The following CPLANE1 variants were observed in gnomAD, a reference collection of about 807,000 sequenced individuals.
CPLANE1 encodes ciliogenesis and planar polarity effector complex subunit 1, also known as ciliogenesis and planar polarity effector 1.
CPLANE1 carries 263 observed loss-of-function variants against 362.5 expected under a neutral mutation model. That is an observed-to-expected ratio of 0.73 (90% confidence interval 0.66 to 0.80). The LOEUF (loss-of-function observed/expected upper bound fraction) is 0.80, where lower values mean the gene tolerates loss of function less well. CPLANE1 is among the 30% of genes least tolerant of loss of function. The probability of loss-of-function intolerance (pLI) is 0.00; values close to 1 mark genes in which losing one functional copy is unlikely to be tolerated. For synonymous variants in CPLANE1, 1,212 were observed against 1,302.6 expected (o/e 0.93, Z 1.50); for missense variants, 3,461 against 3,793.4 (o/e 0.91, Z 2.30).
At chr5:37,154,459 CTTT>C (rs35522666) in intron 41 of CPLANE1, among the ~76,000 whole-genome samples, 4,080 of 84,562 alleles carry the variant, frequency 0.048, 402 homozygotes, top group African/African-American at 0.21. Flanking sequence ...TGCAATAGTT[CTTT>C]TTTTTTTTTT....
intron 46 of CPLANE1, among the ~76,000 whole-genome samples, chr5:37,132,387 C>G (rs1249179195): frequency 1.4e-5 from 2 of 138,338 alleles, no homozygotes; most frequent in African/African-American, 2.7e-5. Context: ...CTCTGTCGCC[C>G]AGGCTGGAGT....
At chr5:37,223,856 C>CA (rs770855448) in intron 14 of CPLANE1, among the ~76,000 whole-genome samples, 436 of 145,750 alleles carry the variant, frequency 3.0e-3, no homozygotes, top group Non-Finnish European at 4.6e-3. Flanking sequence ...CTCTAAATGA[C>CA]AAAAAAAAAA....
intron 16 of CPLANE1, chr5:37,210,719 A>T: frequency 6.3e-7 from 1 of 1,578,042 alleles, no homozygotes; most frequent in South Asian, 1.1e-5. Context: ...CACAAAATAA[A>T]TTACTTAAAC....
chr5:37,189,513 C>T (rs1784906557), intron 21 of CPLANE1, among the ~76,000 whole-genome samples: 1 of 152,180 alleles, frequency 6.6e-6, no homozygotes, highest in South Asian at 2.1e-4. Context: ...CACAGGCAAG[C>T]TGGGATAGAA....
intron 32 of CPLANE1, among the ~76,000 whole-genome samples, chr5:37,171,788 C>A (rs1779884456): frequency 1.4e-5 from 2 of 147,454 alleles, no homozygotes; most frequent in Admixed American, 1.3e-4. Context: ...CTCTCTCTAT[C>A]TATCTATTCT....
At chr5:37,136,510 C>G (rs1767755510) in intron 46 of CPLANE1, among the ~76,000 whole-genome samples, 1 of 152,200 alleles carries the variant, frequency 6.6e-6, no homozygotes, top group Non-Finnish European at 1.5e-5. Context: ...ATCTACCATT[C>G]TGGGGTCTGA....
In CPLANE1 at chr5:37,227,383, TG is replaced by T; in HGVS notation, c.1380del (p.Gly462AspfsTer2). 6.5e-7 allele frequency: 1 copy of T among 1,532,290 alleles called. No homozygotes were observed. Among genetic ancestry groups the T allele is most frequent in the South Asian group, 1.3e-5 (1 of 79,578 alleles). The allele number at this position is 1,532,290 out of a possible 1,614,324, so 94.9% of individuals were successfully genotyped here. The stretch of plus-strand genomic sequence containing the variant: ...TTCAGTGATCGCAAGTTCAGTCCTT[TG>T]CCTTTTGGCTAAAGAAGAAAAGATG... ...YQSVILSKPK[G>X]KGLNLRSLNS... On this transcript the variant is annotated frameshift_variant, in exon 11 of 53. Transcript: ENST00000651892.
chr5:37,187,920 T>A, intron 21 of CPLANE1, 78 bp from the exon 22 acceptor site: 2 of 911,584 alleles, frequency 2.2e-6, no homozygotes, highest in Non-Finnish European at 3.3e-6. Flanking sequence ...ACTCTGCTGA[T>A]CATTTTTTTC....
chr5:37,226,715 G>C lies in CPLANE1; in HGVS notation c.1880C>G (p.Ser627Ter). 6.5e-7 allele frequency: 1 copy of C among 1,546,680 alleles called. No individual in the cohort carries two copies. The highest frequency in any genetic ancestry group is 8.7e-7 in the Non-Finnish European group (1 of 1,145,012). Reference protein sequence around the residue: ...PKLDLVLSKSSRHNAWILCIF... With the variant: ...PKLDLVLSKS The stretch of plus-strand genomic sequence containing the variant: ...ACAAAGTATCCATGCATTATGTCTT[G>C]AGCTTTTGCTTAAAACAAGATCAAG... Residue 627 changes from serine to a stop codon, truncating the protein, a stop_gained, in exon 12 of 53, where the codon TCA becomes TGA. Transcript: ENST00000651892. LOFTEE classifies it high-confidence loss of function.
intron 46 of CPLANE1, among the ~76,000 whole-genome samples, chr5:37,128,886 T>G (rs896301570): frequency 2.0e-5 from 3 of 151,846 alleles, no homozygotes; most frequent in African/African-American, 7.3e-5. Context: ...ATCATCATTC[T>G]TCACCGAACT....
rs1275106600 is a variant in CPLANE1 at position 37,239,751 on chromosome 5, G to T, written c.796C>A (p.Leu266Ile). The change falls in exon 7 of 53, where the codon CTT becomes ATT. Residue 266 changes from leucine (L) to isoleucine (I), a missense_variant. Physicochemically the swap from Leu to Ile is conservative, Grantham distance 5. Transcript: ENST00000651892. Reference protein sequence around the residue: ...ALISAFSRDGLTLAVTLNQKD... With the variant: ...ALISAFSRDGITLAVTLNQKD... The stretch of plus-strand genomic sequence containing the variant: ...TGATTAAGAGTTACTGCCAGGGTAA[G>T]GCCATCTCTTGAAAAGGCAGAAATT... The T allele has an allele frequency of 7.8e-6, 12 of 1,544,376 alleles. No individual in the cohort carries two copies. The highest frequency in any genetic ancestry group is 1.0e-5 in the Non-Finnish European group (12 of 1,143,078).
At chr5:37,084,796 A>G in the CPLANE1 span, among the ~76,000 whole-genome samples, 1 of 151,726 alleles carries the variant, frequency 6.6e-6, no homozygotes, top group South Asian at 2.1e-4. Flanking sequence ...TTTTTTTTAA[A>G]AAAAAAAAGA....
chr5:37,119,812 C>A (rs922703783), intron 50 of CPLANE1, among the ~76,000 whole-genome samples: 2 of 151,042 alleles, frequency 1.3e-5, no homozygotes, highest in African/African-American at 4.9e-5. Context: ...AATGAAACCC[C>A]GTCTCTACTA....
intron 16 of CPLANE1, chr5:37,210,570 A>C (rs566178856): frequency 8.4e-6 from 13 of 1,544,142 alleles, no homozygotes; most frequent in Non-Finnish European, 1.2e-5. Context: ...TATAAATCGC[A>C]TGAAAGAACT....
In CPLANE1 at chr5:37,200,847, A is replaced by G. The variant is rs1788963894; in HGVS notation, c.3507+744T>C. Among the ~76,000 whole-genome samples the G allele has an allele frequency of 3.3e-5, 5 of 151,974 alleles. No homozygotes were observed. The South Asian group carries it at 1.0e-3, about 32-fold the overall frequency. ...AAGTCTTTCTTTTCTTTTTTGAGAC[A>G]GAGTTTTGCTCTGTCACCCAGGCTG... On this transcript the variant is annotated intron_variant, in intron 19 of 52. Transcript: ENST00000651892.
chr5:37,227,746 C>T lies in CPLANE1; in HGVS notation c.1193G>A (p.Arg398Lys), dbSNP rs1198168579. 6.4e-7 allele frequency: 1 copy of T among 1,551,376 alleles called. No individual in the cohort carries two copies. The highest frequency in any genetic ancestry group is 2.4e-5 in the East Asian group (1 of 40,856). The change falls in exon 10 of 53, where the codon AGA becomes AAA. Residue 398 changes from arginine to lysine, a missense_variant. Coordinates refer to ENST00000651892, the MANE Select transcript of CPLANE1 (RefSeq NM_001384732.1). ...GTGTGCTTTTATAGAAAATCTCTGT[C>T]TCATAGGGTCACTATCAGAAGCTGA... ...DSSASDSDPM[R>K]QRFSIKAHSR...
chr5:37,182,926 C>G lies in CPLANE1; in HGVS notation c.5255G>C (p.Arg1752Thr). ...SIGRLLEWMI[R>T]WSNRRLLCDS... is the part of the protein sequence containing the mutation. ...ACAGAGTAGCCTTCTATTAGACCAC[C>G]TTATCATCCATTCCAGCAGTCTTCC... Residue 1752 changes from arginine to threonine, a missense_variant, in exon 26 of 53, where the codon AGG (arginine) becomes ACG (threonine). This residue lies in a region of CPLANE1 where 3,380 missense variants were observed against 3,666.1 expected (regional missense o/e 0.92). Transcript: ENST00000651892. 1 of 1,605,162 alleles carries G rather than the reference C, an allele frequency of 6.2e-7. No individual in the cohort carries two copies. The highest frequency in any genetic ancestry group is 1.7e-4 in the Middle Eastern group (1 of 6,004).
intron 15 of CPLANE1, among the ~76,000 whole-genome samples, chr5:37,217,323 C>T (rs1051723452): frequency 4.6e-5 from 7 of 152,226 alleles, no homozygotes; most frequent in African/African-American, 1.7e-4. Flanking sequence ...GTGTAAATCT[C>T]GACCGGGTGC....
rs1055887739 is a variant in CPLANE1 at position 37,138,989 on chromosome 5, C to T, written c.8664-141G>A. On this transcript the variant is annotated intron_variant, in intron 45 of 52. Transcript: ENST00000651892. ...CCTTCTATTTCTGTAATTCTAGTAT[C>T]TCTCAGTGAAAAAGACTAATCAACA... 13 of 738,320 alleles carry T rather than the reference C, an allele frequency of 1.8e-5. No individual in the cohort carries two copies. In the African/African-American group the frequency reaches 2.4e-4, roughly 14 times the overall value. The allele number at this position is 738,320 out of a possible 1,614,324, so 45.7% of individuals were successfully genotyped here. A position where few individuals can be genotyped will look rare whatever the true frequency, so the allele number is the denominator to read the frequency against.
Sources: gnomAD v4.1 joint callset for allele counts (sites outside exome capture counted in the v4.1 genomes callset) on GRCh38, gnomAD v4.1.1 for gene constraint, gnomAD v4.1.1 regional missense constraint, MANE v1.5 for transcripts, NCBI Gene and HGNC (gene_info 2026-07-23, HGNC 2026-07-21) for gene names.